Variants in COL19A1 observed in about 807,000 individuals in gnomAD.
COL19A1 encodes the protein collagen type XIX alpha 1 chain, also known as collagen alpha-1(XIX) chain.
COL19A1 carries 159 observed loss-of-function variants against 190.2 expected under a neutral mutation model. The ratio of observed to expected loss-of-function variants is 0.84; its 90% CI spans 0.73 to 0.95. The LOEUF (loss-of-function observed/expected upper bound fraction) is 0.95. COL19A1 is among the 40% of genes least tolerant of loss of function. The pLI, the probability that COL19A1 is intolerant of heterozygous loss-of-function variation, is 0.00. For missense variants in COL19A1, 1,418 were observed against 1,431.9 expected (o/e 0.99, Z 0.16); for synonymous variants, 509 against 458.9 (o/e 1.11, Z -1.39).
At chr6:70,065,631 T>C (rs998912108) in intron 14 of COL19A1, among the ~76,000 whole-genome samples, 3 of 152,050 alleles carry the variant, frequency 2.0e-5, no homozygotes, top group African/African-American at 7.2e-5. Context: ...ACTAAAGAGC[T>C]TCTGCACAGC....
chr6:70,021,205 A>C lies in COL19A1; in HGVS notation c.1027-2422A>C, dbSNP rs1176609495. Among the ~76,000 whole-genome samples, 6 of 152,104 alleles carry C rather than the reference A, an allele frequency of 3.9e-5. No individual in the cohort carries two copies. The East Asian group carries it at 1.2e-3, about 29-fold the overall frequency. ...CATTGCGGAGTTTTGCTAGGAATCA[A>C]TTTTAAGCAGTATGTTTCTTCTTTA... On this transcript the variant is annotated intron_variant, in intron 11 of 50. Transcript: ENST00000620364.
At chr6:70,196,102 A>G (rs576665438) in intron 48 of COL19A1, among the ~76,000 whole-genome samples, 1 of 152,340 alleles carries the variant, frequency 6.6e-6, no homozygotes, top group South Asian at 2.1e-4. Context: ...CACAAAATAA[A>G]TATGAATCCA....
chr6:70,189,030 A>G (rs1160819680), intron 47 of COL19A1, among the ~76,000 whole-genome samples: 1 of 152,228 alleles, frequency 6.6e-6, no homozygotes, highest in Non-Finnish European at 1.5e-5. Flanking sequence ...GGGTTGTGTC[A>G]GTAATTGGTA....
intron 2 of COL19A1, among the ~76,000 whole-genome samples, chr6:69,885,326 C>A (rs2149951950): frequency 6.6e-6 from 1 of 150,944 alleles, no homozygotes; most frequent in African/African-American, 2.4e-5. Context: ...GTTCTCTAAG[C>A]AGTGCTTCTT....
intron 11 of COL19A1, among the ~76,000 whole-genome samples, chr6:69,990,603 C>T (rs1378161052): frequency 1.3e-5 from 2 of 151,894 alleles, no homozygotes; most frequent in African/African-American, 4.8e-5. Flanking sequence ...AAGAATCTTC[C>T]ATAGCCTGGA....
At chr6:70,142,568 A>C (rs113242081) in intron 22 of COL19A1, among the ~76,000 whole-genome samples, 199 bp from the exon 23 acceptor site, 1 of 152,148 alleles carries the variant, frequency 6.6e-6, no homozygotes, top group African/African-American at 2.4e-5. Context: ...AGAACACATA[A>C]ATTAAAAGTA....
At chr6:70,143,641 G>T (rs2150237046) in intron 23 of COL19A1, among the ~76,000 whole-genome samples, 1 of 151,766 alleles carries the variant, frequency 6.6e-6, no homozygotes, top group Middle Eastern at 3.4e-3. Flanking sequence ...CACATATTCT[G>T]CTTGGTACTT....
intron 16 of COL19A1, among the ~76,000 whole-genome samples, chr6:70,121,640 T>C (rs760547102): frequency 1.3e-5 from 2 of 152,154 alleles, no homozygotes; most frequent in Non-Finnish European, 2.9e-5. Flanking sequence ...TCTGGTAAAA[T>C]GTTACATGCT....
chr6:70,029,222 ATTT>A (rs1778893976), intron 12 of COL19A1, among the ~76,000 whole-genome samples: 1 of 152,198 alleles, frequency 6.6e-6, no homozygotes, highest in Non-Finnish European at 1.5e-5. Context: ...TGGGTTAAAA[ATTT>A]TTAACAAATA....
At chr6:69,958,368 C>T (rs1774559872) in intron 9 of COL19A1, among the ~76,000 whole-genome samples, 1 of 152,148 alleles carries the variant, frequency 6.6e-6, no homozygotes, top group Non-Finnish European at 1.5e-5. Flanking sequence ...TGAAAATAAT[C>T]TGCTCCTTAT....
At chr6:70,167,888 T>A (rs1765260109) in intron 37 of COL19A1, 137 bp from the exon 38 acceptor site, 5 of 616,360 alleles carry the variant, frequency 8.1e-6, no homozygotes, top group Non-Finnish European at 1.4e-5. Context: ...ACTTAGAGTA[T>A]TAAATTCCCT....
At chr6:69,868,675 A>C (rs1767632713) in intron 1 of COL19A1, among the ~76,000 whole-genome samples, 1 of 152,116 alleles carries the variant, frequency 6.6e-6, no homozygotes, top group South Asian at 2.1e-4. Context: ...CCCAAATGTG[A>C]TTATTACCAC....
chr6:70,122,799 T>C (rs1289565651), intron 17 of COL19A1, among the ~76,000 whole-genome samples: 1 of 152,184 alleles, frequency 6.6e-6, no homozygotes, highest in Non-Finnish European at 1.5e-5. Flanking sequence ...CAAAAAAATT[T>C]GTTAAATGAC....
rs1190440161 is a variant in COL19A1, at chr6:69,929,626, G to A, written c.592G>A (p.Asp198Asn). 4 of 1,614,016 alleles carry A rather than the reference G, an allele frequency of 2.5e-6. No individual in the cohort carries two copies. The highest frequency in any genetic ancestry group is 2.5e-6 in the Non-Finnish European group (3 of 1,179,952). Reference protein sequence around the residue: ...DCNLIARRQTDEKDTVDFHGR... With the variant: ...DCNLIARRQTNEKDTVDFHGR... ...TAATTTAATTGCGAGGAGGCAGACT[G>A]ATGAAAAGGACACTGTGGATTTCCA... is the stretch of plus-strand genomic sequence containing the variant. Residue 198 changes from aspartate (D) to asparagine (N), a missense_variant, in exon 6 of 51, where the codon GAT becomes AAT. Asp to Asn is a conservative substitution (Grantham distance 23, BLOSUM62 1). Transcript: ENST00000620364.
intron 17 of COL19A1, among the ~76,000 whole-genome samples, chr6:70,128,940 T>G (rs1171875275): frequency 6.6e-6 from 1 of 152,206 alleles, no homozygotes; most frequent in African/African-American, 2.4e-5. Flanking sequence ...CATGATTACA[T>G]TTTAAAGGGA....
chr6:69,897,204 G>T (rs1769841777), intron 2 of COL19A1, among the ~76,000 whole-genome samples: 1 of 152,086 alleles, frequency 6.6e-6, no homozygotes. Context: ...TGGATATTCT[G>T]TTGACCCAGC....
At position 69,964,177 on chromosome 6, in the gene COL19A1, TATTATA is replaced by T. The variant is rs569509898; in HGVS notation, c.1026+1315_1026+1320del. ...AGTATTTATAGAGAGAATGAGCATC[TATTATA>T]ATTATAAGACAAAGTACACATGTTA... On this transcript the variant is annotated intron_variant, in intron 11 of 50. Transcript: ENST00000620364. Among the ~76,000 whole-genome samples, 532 of 152,316 alleles carry T rather than the reference TATTATA, an allele frequency of 3.5e-3. 1 individual carries two copies. The highest frequency in any genetic ancestry group is 6.7e-3 in the Admixed American group (102 of 15,308).
chr6:69,913,754 A>T (rs79099652), intron 4 of COL19A1, among the ~76,000 whole-genome samples: 13,999 of 151,884 alleles, frequency 0.092, 764 homozygotes, highest in East Asian at 0.2. Context: ...TTCATATTTT[A>T]AAAAAAAGTG....
At chr6:70,056,692 G>A (rs927056172) in intron 14 of COL19A1, among the ~76,000 whole-genome samples, 11 of 151,932 alleles carry the variant, frequency 7.2e-5, no homozygotes, top group Non-Finnish European at 1.0e-4. Flanking sequence ...ATCCTCCTAA[G>A]AAAATGGATG....
Sources: allele counts gnomAD v4.1 joint callset (sites outside exome capture counted in the v4.1 genomes callset), GRCh38; gene constraint gnomAD v4.1.1; transcripts MANE v1.5; gene names NCBI Gene and HGNC (gene_info 2026-07-23, HGNC 2026-07-21).